CNBD1: variants seen among roughly 807,000 people sequenced by gnomAD.
CNBD1 encodes the protein cyclic nucleotide binding domain containing 1, also known as cyclic nucleotide-binding domain-containing protein 1.
In CNBD1, 71 loss-of-function variants were observed where a neutral mutation model predicts 54.4. The observed-to-expected ratio is 1.30, with a 90% CI of 1.08 to 1.59. The LOEUF (loss-of-function observed/expected upper bound fraction) is 1.59. Among genes scored for constraint, CNBD1 ranks in the 40% most tolerant of loss-of-function variants. CNBD1 has a pLI of 0.00. For missense variants in CNBD1, 659 were observed against 518.0 expected, an observed-to-expected ratio of 1.27 and a Z score of -2.64; for synonymous variants, 182 against 170.7, an observed-to-expected ratio of 1.07 and a Z score of -0.51.
intron 5 of CNBD1, among the ~76,000 whole-genome samples, chr8:87,226,517 G>T (rs1458861192): frequency 1.4e-5 from 2 of 146,786 alleles, no homozygotes; most frequent in African/African-American, 5.4e-5. Context: ...TCATTCAGGA[G>T]CAGGTTGTTC....
intron 8 of CNBD1, among the ~76,000 whole-genome samples, chr8:87,300,897 G>A (rs1315080906): frequency 6.6e-6 from 1 of 151,996 alleles, no homozygotes; most frequent in African/African-American, 2.4e-5. Context: ...CAATACAAAA[G>A]ATGAAACAAA....
chr8:87,375,273 T>A (rs1399969781), intron 10 of CNBD1, among the ~76,000 whole-genome samples: 1 of 151,898 alleles, frequency 6.6e-6, no homozygotes, highest in African/African-American at 2.4e-5. Flanking sequence ...GTTACAAATT[T>A]CCAGGAACTT....
chr8:87,086,072 A>G (rs551963102), intron 4 of CNBD1, among the ~76,000 whole-genome samples: 17 of 152,120 alleles, frequency 1.1e-4, no homozygotes, highest in African/African-American at 3.4e-4. Context: ...AATTTCAGCA[A>G]TGGGTCTCTC....
intron 4 of CNBD1, among the ~76,000 whole-genome samples, chr8:87,038,525 A>G (rs963420246): frequency 2.0e-5 from 3 of 152,172 alleles, no homozygotes; most frequent in Non-Finnish European, 2.9e-5. Flanking sequence ...AAACCTGCAA[A>G]AGACAGCTCA....
intron 6 of CNBD1, among the ~76,000 whole-genome samples, chr8:87,255,046 A>T (rs974432278): frequency 6.6e-6 from 1 of 152,132 alleles, no homozygotes; most frequent in Non-Finnish European, 1.5e-5. Flanking sequence ...TGTGCGAAAG[A>T]AGGGGTTTGA....
downstream of CNBD1, among the ~76,000 whole-genome samples, chr8:87,386,288 G>A (rs116860644): frequency 0.089 from 13,535 of 152,192 alleles, 617 homozygotes; most frequent in South Asian, 0.097. Flanking sequence ...GTTGAGAGAA[G>A]AAGTTTTCAG....
chr8:87,322,937 G>C (rs76420237), intron 8 of CNBD1, among the ~76,000 whole-genome samples: 57 of 101,400 alleles, frequency 5.6e-4, no homozygotes, highest in Non-Finnish European at 9.8e-4. Context: ...TATGGTTTTA[G>C]GTCTAACGTT....
intron 3 of CNBD1, among the ~76,000 whole-genome samples, chr8:86,907,439 G>A (rs1040823689): frequency 1.3e-5 from 2 of 151,912 alleles, no homozygotes; most frequent in Non-Finnish European, 2.9e-5. Flanking sequence ...AGGCCAAGGC[G>A]GGCAGATCAC....
chr8:87,034,395 G>A (rs977788388), intron 4 of CNBD1, among the ~76,000 whole-genome samples: 9 of 152,180 alleles, frequency 5.9e-5, no homozygotes, highest in Admixed American at 3.9e-4. Context: ...GAATCACCTG[G>A]TGTTTTAAGC....
At chr8:87,193,446 T>C (rs1306562070) in intron 4 of CNBD1, among the ~76,000 whole-genome samples, 1 of 152,222 alleles carries the variant, frequency 6.6e-6, no homozygotes, top group East Asian at 1.9e-4. Flanking sequence ...GTCTTTAATT[T>C]GACAGCTTTT....
intron 4 of CNBD1, among the ~76,000 whole-genome samples, chr8:87,092,260 A>G (rs1352777945): frequency 6.6e-6 from 1 of 151,710 alleles, no homozygotes; most frequent in Admixed American, 6.6e-5. Flanking sequence ...CAGTTTTAGT[A>G]TTTATTTCTG....
At chr8:87,189,548 A>C (rs1455804701) in intron 4 of CNBD1, among the ~76,000 whole-genome samples, 1 of 152,210 alleles carries the variant, frequency 6.6e-6, no homozygotes, top group Admixed American at 6.5e-5. Flanking sequence ...CCCAAACAAC[A>C]AAAGGAAGCA....
intron 4 of CNBD1, among the ~76,000 whole-genome samples, chr8:86,961,539 G>T (rs1301264791): frequency 6.6e-6 from 1 of 152,238 alleles, no homozygotes; most frequent in Non-Finnish European, 1.5e-5. Flanking sequence ...GGAGGGTTTA[G>T]TACTAGACCT....
At chr8:87,244,851 G>C (rs1807772405) in intron 6 of CNBD1, among the ~76,000 whole-genome samples, 4 of 152,126 alleles carry the variant, frequency 2.6e-5, no homozygotes, top group Admixed American at 2.0e-4. Flanking sequence ...TGTGAAATGA[G>C]TTTTGATTCA....
intron 6 of CNBD1, among the ~76,000 whole-genome samples, chr8:87,256,013 A>ATTT (rs1808014014): frequency 2.8e-4 from 5 of 18,174 alleles, no homozygotes; most frequent in Non-Finnish European, 1.7e-4. Context: ...ATATATATAT[A>ATTT]TATTTTTTTT....
At chr8:86,941,276 T>C (rs957602267) in intron 4 of CNBD1, among the ~76,000 whole-genome samples, 5 of 152,182 alleles carry the variant, frequency 3.3e-5, no homozygotes, top group Non-Finnish European at 7.3e-5. Context: ...CTGAAAAAAT[T>C]AGGAAATTCA....
chr8:86,910,308 C>T (rs1346539773), intron 3 of CNBD1, among the ~76,000 whole-genome samples: 1 of 152,168 alleles, frequency 6.6e-6, no homozygotes, highest in Non-Finnish European at 1.5e-5. Context: ...TAGATTATCC[C>T]AATTCCCTCT....
At chr8:87,190,431 C>A (rs1297394821) in intron 4 of CNBD1, among the ~76,000 whole-genome samples, 1 of 152,074 alleles carries the variant, frequency 6.6e-6, no homozygotes, top group Non-Finnish European at 1.5e-5. Flanking sequence ...TCCTCCATGC[C>A]ATCTGATTCA....
At chr8:87,269,898 C>T (rs1264153472) in intron 6 of CNBD1, among the ~76,000 whole-genome samples, 1 of 151,906 alleles carries the variant, frequency 6.6e-6, no homozygotes, top group East Asian at 1.9e-4. Context: ...GGAGGAACTT[C>T]CTGATTGTAT....
Sources: allele counts gnomAD v4.1 joint callset (sites outside exome capture counted in the v4.1 genomes callset), GRCh38; gene constraint gnomAD v4.1.1; transcripts MANE v1.5; gene names NCBI Gene and HGNC (gene_info 2026-07-23, HGNC 2026-07-21).